NCAPD2: variants seen among roughly 807,000 people sequenced by gnomAD.
NCAPD2 encodes the protein non-SMC condensin I complex subunit D2.
In NCAPD2, 100 loss-of-function variants were observed where a neutral mutation model predicts 164.5. The observed-to-expected ratio is 0.61, with a 90% CI of 0.52 to 0.72. NCAPD2 has a LOEUF of 0.72. Ranked by LOEUF, NCAPD2 falls within the 30% of genes least tolerant of loss-of-function variation. NCAPD2 has a pLI of 0.00. For missense variants in NCAPD2, 1,560 were observed against 1,749.2 expected (o/e 0.89, Z 1.93); for synonymous variants, 585 against 642.6 (o/e 0.91, Z 1.36).
rs796828021 is a variant in NCAPD2 at position 6,528,608 on chromosome 12, G to A, written c.3300-71G>A. The A allele has an allele frequency of 1.0e-4, 154 of 1,498,562 alleles. 2 individuals are homozygous for A. The African/African-American group carries it at 1.7e-3, about 16-fold the overall frequency. 92.8% of individuals were successfully genotyped at this position (1,498,562 alleles called of 1,614,324 possible). ...GCATGGGATAATTGATTCCTGCTGA[G>A]GGCCTTTTCTACCAGTGTTAGGGTG... is the stretch of plus-strand genomic sequence containing the variant. On this transcript the variant is annotated intron_variant, in intron 25 of 31. Coordinates refer to ENST00000315579, the MANE Select transcript of NCAPD2 (RefSeq NM_014865.4). The surrounding 1 kb of genome is among the most constrained non-coding windows in gnomAD (Gnocchi z 5.1).
chr12:6,531,528 G>C lies in NCAPD2; in HGVS notation c.*116G>C. 2 of 1,500,360 alleles carry C rather than the reference G, an allele frequency of 1.3e-6. No homozygotes were observed. The highest frequency in any genetic ancestry group is 8.9e-7 in the Non-Finnish European group (1 of 1,120,936). 92.9% of individuals were successfully genotyped at this position (1,500,360 alleles called of 1,614,324 possible). On this transcript the variant is annotated 3_prime_UTR_variant, in exon 32 of 32. Transcript: ENST00000315579. The surrounding 1 kb of genome is among the most constrained non-coding windows in gnomAD (Gnocchi z 4.1). ...CTTTTTTTTAAAAAAAAAAAAGGCC[G>C]GGCACTGTGGCTCACGCCTGTAATC...
At chr12:6,507,738 A>G (rs1333598271) in intron 2 of NCAPD2, among the ~76,000 whole-genome samples, 1 of 152,228 alleles carries the variant, frequency 6.6e-6, no homozygotes, top group Non-Finnish European at 1.5e-5. Flanking sequence ...AGAAATAGTA[A>G]TAAAGGAAAG....
chr12:6,513,421 G>T (rs1946169381), intron 6 of NCAPD2, among the ~76,000 whole-genome samples: 1 of 151,932 alleles, frequency 6.6e-6, no homozygotes. Context: ...GCTGAGGTGG[G>T]AGCATCACCT....
chr12:6,531,538 G>A lies in NCAPD2; in HGVS notation c.*126G>A, dbSNP rs1250176861. ...AAAAAAAAAAAGGCCGGGCACTGTG[G>A]CTCACGCCTGTAATCCCAGCACTTT... On this transcript the variant is annotated 3_prime_UTR_variant, in exon 32 of 32. Coordinates refer to ENST00000315579, the MANE Select transcript of NCAPD2 (RefSeq NM_014865.4). The surrounding 1 kb of genome is among the most constrained non-coding windows in gnomAD (Gnocchi z 4.1). The A allele has an allele frequency of 1.3e-6, 2 of 1,516,048 alleles. No individual in the cohort carries two copies. Among genetic ancestry groups the A allele is most frequent in the East Asian group, 2.5e-5 (1 of 40,436 alleles). 93.9% of individuals were successfully genotyped at this position (1,516,048 alleles called of 1,614,324 possible). A position where few individuals can be genotyped will look rare whatever the true frequency, so the allele number is the denominator to read the frequency against.
intron 18 of NCAPD2, 148 bp from the exon 19 acceptor site, chr12:6,525,920 A>G: frequency 8.1e-7 from 1 of 1,238,464 alleles, no homozygotes; most frequent in East Asian, 2.4e-5. Flanking sequence ...AACAGGACCC[A>G]AGAGGCTGGC....
Position 6,529,928 on chromosome 12 carries a change from G to A in NCAPD2, c.3807G>A (p.Lys1269=), listed in dbSNP as rs1946356175. 1 of 1,614,082 alleles carries A rather than the reference G, an allele frequency of 6.2e-7. No homozygotes were observed. Among genetic ancestry groups the A allele is most frequent in the Non-Finnish European group, 8.5e-7 (1 of 1,179,940 alleles). ...GTGCTTTTTTGTCAGTTGTAGGCAAGCTGCGACGTGGGGCCAAGCCTGAGG... is the reference window on the plus strand; with the variant it reads ...GTGCTTTTTTGTCAGTTGTAGGCAAACTGCGACGTGGGGCCAAGCCTGAGG... ...IFSAFLSVVG[K]LRRGAKPEGK... Residue 1269 remains lysine (K), a synonymous_variant, in exon 29 of 32, where the codon AAG becomes AAA. Coordinates refer to ENST00000315579, the MANE Select transcript of NCAPD2 (RefSeq NM_014865.4).
At chr12:6,513,991 A>G (rs755882671) in intron 6 of NCAPD2, among the ~76,000 whole-genome samples, 36 of 152,080 alleles carry the variant, frequency 2.4e-4, no homozygotes, top group Non-Finnish European at 5.9e-5. Context: ...CTGGGATTAC[A>G]GGCATGAGCC....
intron 14 of NCAPD2, 77 bp from the exon 15 acceptor site, chr12:6,521,721 T>C (rs936253023): frequency 2.8e-5 from 42 of 1,507,556 alleles, no homozygotes; most frequent in Middle Eastern, 2.2e-4. Context: ...TAAGTAAATA[T>C]CCAGGAATGT....
At chr12:6,504,684 G>A (rs563751943) in intron 2 of NCAPD2, among the ~76,000 whole-genome samples, 10 of 152,070 alleles carry the variant, frequency 6.6e-5, no homozygotes, top group African/African-American at 1.7e-4. Flanking sequence ...GAGCCACCGC[G>A]TCGAGCCTTA....
At chr12:6,506,515 A>G (rs6489720) in intron 2 of NCAPD2, among the ~76,000 whole-genome samples, 119,884 of 151,426 alleles carry the variant, frequency 0.79, 48,223 homozygotes, top group African/African-American at 0.95. Flanking sequence ...GCGTGAACCC[A>G]GGAGGCAGAG....
chr12:6,529,450 G>T, intron 27 of NCAPD2, 63 bp from the exon 28 acceptor site: 1 of 1,420,978 alleles, frequency 7.0e-7, no homozygotes, highest in South Asian at 1.2e-5. Flanking sequence ...GTCCAGGGTT[G>T]GTCTTAGTGG....
At chr12:6,504,489 T>A (rs1202868827) in intron 2 of NCAPD2, among the ~76,000 whole-genome samples, 4 of 151,566 alleles carry the variant, frequency 2.6e-5, no homozygotes, top group Non-Finnish European at 5.9e-5. Context: ...ACCTGCTGGG[T>A]TCAAGTGATT....
intron 17 of NCAPD2, among the ~76,000 whole-genome samples, chr12:6,525,091 G>A (rs1946304143): frequency 6.6e-6 from 1 of 152,190 alleles, no homozygotes; most frequent in South Asian, 2.1e-4. Flanking sequence ...CTGGACTTGA[G>A]GATTGGAGAA....
intron 2 of NCAPD2, among the ~76,000 whole-genome samples, chr12:6,503,660 A>T (rs1006231179): frequency 1.3e-5 from 2 of 151,978 alleles, no homozygotes; most frequent in African/African-American, 4.8e-5. Context: ...AATCCCAGCT[A>T]CTCAGGAGGC....
chr12:6,500,716 C>T (rs1319442122), intron 2 of NCAPD2, among the ~76,000 whole-genome samples: 1 of 152,184 alleles, frequency 6.6e-6, no homozygotes, highest in Non-Finnish European at 1.5e-5. Flanking sequence ...AAGCACTGAT[C>T]TCTAGAGCCT....
intron 6 of NCAPD2, among the ~76,000 whole-genome samples, chr12:6,512,427 A>G (rs1370538219): frequency 6.6e-5 from 10 of 152,186 alleles, no homozygotes; most frequent in Non-Finnish European, 5.9e-5. Context: ...GAGGAATAGC[A>G]AGGGCAGGGA....
rs1359245803 is a variant in NCAPD2, at chr12:6,528,703, G to A, written c.3324G>A (p.Val1108=). The A allele has an allele frequency of 1.2e-6, 2 of 1,613,500 alleles. No individual in the cohort carries two copies. Among genetic ancestry groups the A allele is most frequent in the Non-Finnish European group, 1.7e-6 (2 of 1,179,496 alleles). ...GTCTCCGGGACCCTGCTCAGCAAGT[G>A]CGGAAAACAGCGGGGCTGGTGATGA... ...YARLRDPAQQ[V]RKTAGLVMTH... Residue 1108 remains valine, a synonymous_variant, in exon 26 of 32, where the codon GTG becomes GTA. Coordinates refer to ENST00000315579, the MANE Select transcript of NCAPD2 (RefSeq NM_014865.4). This position sits in a 1 kb window ranked among gnomAD's most constrained non-coding sequence, Gnocchi z 5.1.
At chr12:6,510,475 G>T (rs1946136472) in intron 4 of NCAPD2, 154 bp from the exon 5 acceptor site, 4 of 907,470 alleles carry the variant, frequency 4.4e-6, no homozygotes, top group Non-Finnish European at 7.3e-6. Flanking sequence ...GGGTATCAGG[G>T]CCAAGGGTCC....
At position 6,517,625 on chromosome 12, in the gene NCAPD2, G is replaced by A; in HGVS notation, c.1350G>A (p.Leu450=). 2.5e-6 allele frequency: 4 copies of A among 1,614,242 alleles called. No homozygotes were observed. Among genetic ancestry groups the A allele is most frequent in the Non-Finnish European group, 3.4e-6 (4 of 1,180,048 alleles). Residue 450 remains leucine, a synonymous_variant, in exon 12 of 32, where the codon CTG becomes CTA. Transcript: ENST00000315579. The part of the protein sequence containing the change: ...KLSDADLAGP[L]QKETQKLQEM... Reference sequence around the variant, plus strand: ...GTGATGCTGACCTTGCCGGACCACTGCAGAAGGAGACCCAGAAATTACAAG... The same window carrying A: ...GTGATGCTGACCTTGCCGGACCACTACAGAAGGAGACCCAGAAATTACAAG...
Sources: gnomAD v4.1 joint callset for allele counts (sites outside exome capture counted in the v4.1 genomes callset) on GRCh38, gnomAD v4.1.1 for gene constraint, Gnocchi (gnomAD v3.1) non-coding constraint, MANE v1.5 for transcripts, NCBI Gene and HGNC (gene_info 2026-07-23, HGNC 2026-07-21) for gene names.